Variants in TMEM237 observed in about 807,000 individuals in gnomAD.
TMEM237 encodes the protein transmembrane protein 237.
In TMEM237, 51 loss-of-function variants were observed where a neutral mutation model predicts 59.1. The ratio of observed to expected loss-of-function variants is 0.86; its 90% confidence interval spans 0.69 to 1.09. TMEM237 has a LOEUF of 1.09. Among genes scored for constraint, TMEM237 ranks in the 50% least tolerant of loss-of-function variants. TMEM237 has a pLI of 0.00. For synonymous variants in TMEM237, 140 were observed against 166.1 expected, an observed-to-expected ratio of 0.84 and a Z score of 1.21; for missense variants, 475 against 478.3, an observed-to-expected ratio of 0.99 and a Z score of 0.06.
rs1419612192 is a variant in TMEM237, at chr2:201,622,339, T to G, written c.*1916A>C. 2.6e-5 allele frequency: 4 copies of G among 152,258 alleles called. No individual in the cohort carries two copies. Among genetic ancestry groups the G allele is most frequent in the African/African-American group, 9.6e-5 (4 of 41,474 alleles). The allele number at this position is 152,258 out of a possible 1,614,324, so 9.4% of individuals were successfully genotyped here. A position where few individuals can be genotyped will look rare whatever the true frequency, so the allele number is the denominator to read the frequency against. On this transcript the variant is annotated 3_prime_UTR_variant, in exon 13 of 13. Transcript: ENST00000409883. ...ACACTTGCTATCTTACAGTTCTGTA[T>G]GTCAAAAGTATGACATGGGCAGCAC...
intron 5 of TMEM237, 104 bp from the exon 6 acceptor site, chr2:201,633,535 G>T: frequency 2.2e-6 from 2 of 895,350 alleles, no homozygotes; most frequent in Non-Finnish European, 3.0e-6. Flanking sequence ...TTTTAATTGG[G>T]CAAAAATGTT....
intron 6 of TMEM237, 98 bp downstream of exon 6, chr2:201,633,213 T>G: frequency 8.2e-7 from 1 of 1,226,566 alleles, no homozygotes; most frequent in South Asian, 1.7e-5. Context: ...CAAATACAAG[T>G]ATGTAATAAG....
chr2:201,640,161 T>C, intron 3 of TMEM237, 100 bp downstream of exon 3: 1 of 958,884 alleles, frequency 1.0e-6, no homozygotes, highest in South Asian at 2.0e-5. Context: ...ATTGTAGAAT[T>C]ACAAATTACA....
intron 3 of TMEM237, 96 bp from the exon 4 acceptor site, chr2:201,639,141 C>A: frequency 8.7e-7 from 1 of 1,143,494 alleles, no homozygotes; most frequent in Admixed American, 2.4e-5. Context: ...AGAATTCTCC[C>A]TCTCTTCCCT....
intron 4 of TMEM237, among the ~76,000 whole-genome samples, chr2:201,637,550 C>A (rs961817763): frequency 6.6e-6 from 1 of 152,050 alleles, no homozygotes; most frequent in Non-Finnish European, 1.5e-5. Flanking sequence ...TCGAAACCAG[C>A]CTGACCAACA....
At chr2:201,627,905 TC>T (rs2105898299) in intron 10 of TMEM237, among the ~76,000 whole-genome samples, 170 bp downstream of exon 10, 1 of 152,272 alleles carries the variant, frequency 6.6e-6, no homozygotes, top group East Asian at 1.9e-4. Flanking sequence ...AAAAAATAAT[TC>T]TATCAATATT....
chr2:201,639,470 T>G (rs1055061063), intron 3 of TMEM237, among the ~76,000 whole-genome samples: 4 of 152,144 alleles, frequency 2.6e-5, no homozygotes, highest in Non-Finnish European at 5.9e-5. Context: ...GGAAGCCTCA[T>G]GTTAAGATGG....
chr2:201,639,064 C>T lies in TMEM237; in HGVS notation c.80-19G>A, dbSNP rs765785442. On this transcript the variant is annotated intron_variant, in intron 3 of 12. Transcript: ENST00000409883. ...ATATCATCTATAAAGCAAGAAAAAA[C>T]GTCAACAGAAAAGGGTGCCTAAAAT... 39 of 1,564,486 alleles carry T rather than the reference C, an allele frequency of 2.5e-5. No individual in the cohort carries two copies. The highest frequency in any genetic ancestry group is 1.7e-4 in the Middle Eastern group (1 of 6,016).
intron 5 of TMEM237, 191 bp downstream of exon 5, chr2:201,636,557 T>C: frequency 1.6e-6 from 1 of 615,062 alleles, no homozygotes; most frequent in South Asian, 2.1e-5. Context: ...ACATATATGA[T>C]CAAAAGAGAC....
rs1020407733 is a variant in TMEM237 at position 201,641,049 on chromosome 2, C to T, written c.43-125G>A. On this transcript the variant is annotated intron_variant, in intron 1 of 12. Coordinates refer to ENST00000409883, the MANE Select transcript of TMEM237 (RefSeq NM_001044385.3). The stretch of plus-strand genomic sequence containing the variant: ...CTGTGTGGCCCAGGCTGGAGTGCAA[C>T]GGCACGATCTTGGCTCACTGCAGCT... 137 of 732,032 alleles carry T rather than the reference C, an allele frequency of 1.9e-4. 1 individual carries two copies. The highest frequency in any genetic ancestry group is 2.6e-4 in the Non-Finnish European group (121 of 473,744). 45.3% of individuals were successfully genotyped at this position (732,032 alleles called of 1,614,324 possible).
At chr2:201,639,447 T>C (rs2105903712) in intron 3 of TMEM237, among the ~76,000 whole-genome samples, 1 of 152,304 alleles carries the variant, frequency 6.6e-6, no homozygotes, top group South Asian at 2.1e-4. Flanking sequence ...TCTTCCCTTG[T>C]TGTGGTGACT....
At chr2:201,642,814 C>A in intron 1 of TMEM237, 2 of 1,358,674 alleles carry the variant, frequency 1.5e-6, no homozygotes, top group Non-Finnish European at 1.9e-6. Context: ...CCAGTCCAGA[C>A]TAGCCCTGCC....
rs1957790223 is a variant in TMEM237 at position 201,629,543 on chromosome 2, C to T, written c.678-122G>A. 3.1e-6 allele frequency: 4 copies of T among 1,308,292 alleles called. No homozygotes were observed. The African/African-American group carries it at 6.0e-5, about 20-fold the overall frequency. 81.0% of individuals were successfully genotyped at this position (1,308,292 alleles called of 1,614,324 possible). ...ATTTCATGACAAGTAAAAGCAAGCT[C>T]TTTCTTTTTAGTTACACTGATAGGT... On this transcript the variant is annotated intron_variant, in intron 8 of 12. Transcript: ENST00000409883.
At chr2:201,627,073 C>CT (rs1262004655) in intron 11 of TMEM237, among the ~76,000 whole-genome samples, 1 of 133,220 alleles carries the variant, frequency 7.5e-6, no homozygotes, top group Non-Finnish European at 1.6e-5. Flanking sequence ...CAGCGAGACT[C>CT]TATCTCGAAA....
intron 3 of TMEM237, 66 bp downstream of exon 3, chr2:201,640,195 A>G: frequency 1.5e-6 from 2 of 1,370,738 alleles, no homozygotes; most frequent in Non-Finnish European, 2.0e-6. Context: ...GTTTTAAGAG[A>G]AACAAACCAA....
chr2:201,637,917 ACTCTCAGACT>A (rs1432116569), intron 4 of TMEM237, among the ~76,000 whole-genome samples: 1 of 152,138 alleles, frequency 6.6e-6, no homozygotes, highest in Non-Finnish European at 1.5e-5. Flanking sequence ...AGAATGAGAC[ACTCTCAGACT>A]CTACAGGTAG....
At chr2:201,628,193 T>G (rs1229070224) in intron 9 of TMEM237, 44 bp from the exon 10 acceptor site, 8 of 1,363,826 alleles carry the variant, frequency 5.9e-6, no homozygotes, top group Non-Finnish European at 7.2e-6. Context: ...GTTGTAAACT[T>G]AACAAAACTT....
chr2:201,636,944 A>T, intron 4 of TMEM237, 59 bp from the exon 5 acceptor site: 3 of 1,504,624 alleles, frequency 2.0e-6, no homozygotes, highest in Non-Finnish European at 2.7e-6. Flanking sequence ...ACTGAATCTT[A>T]AAAAGATGGA....
intron 7 of TMEM237, 34 bp downstream of exon 7, chr2:201,632,017 A>G: frequency 6.2e-7 from 1 of 1,606,074 alleles, no homozygotes; most frequent in Non-Finnish European, 8.5e-7. Flanking sequence ...CAATTTTTAA[A>G]GAGTTCATAT....
Sources: allele counts gnomAD v4.1 joint callset (sites outside exome capture counted in the v4.1 genomes callset), GRCh38; gene constraint gnomAD v4.1.1; transcripts MANE v1.5; gene names NCBI Gene and HGNC (gene_info 2026-07-23, HGNC 2026-07-21).